The following AHI1 variants were observed in gnomAD, a reference collection of about 807,000 sequenced individuals.
AHI1 encodes the protein jouberin.
AHI1 carries 123 observed loss-of-function variants against 149.3 expected under a neutral mutation model. The observed-to-expected ratio is 0.82, with a 90% CI of 0.71 to 0.96. The LOEUF (loss-of-function observed/expected upper bound fraction) is 0.96, where lower values mean the gene tolerates loss of function less well. AHI1 is among the 40% of genes least tolerant of loss of function. The pLI, the probability that AHI1 is intolerant of heterozygous loss-of-function variation, is 0.00. For synonymous variants in AHI1, 475 were observed against 459.8 expected, an observed-to-expected ratio of 1.03 and a Z score of -0.42; for missense variants, 1,439 against 1,422.7, an observed-to-expected ratio of 1.01 and a Z score of -0.18.
rs573768621 is a variant in AHI1, at chr6:135,420,408, T to C, written c.2764+6759A>G. Among the ~76,000 whole-genome samples the C allele has an allele frequency of 8.0e-4, 122 of 152,190 alleles. 1 individual carries two copies. The highest frequency in any genetic ancestry group is 1.4e-3 in the Non-Finnish European group (95 of 68,016). ...GTCTTCTCCTCTTTAGCTATGAAAC[T>C]ACTGGAGGGCATCTTCCTCCATTAG... On this transcript the variant is annotated intron_variant, in intron 20 of 28. Coordinates refer to ENST00000265602, the MANE Select transcript of AHI1 (RefSeq NM_001134831.2).
At chr6:135,300,366 ACTC>A in intron 27 of AHI1, 131 bp downstream of exon 27, 1 of 1,055,934 alleles carries the variant, frequency 9.5e-7, no homozygotes, top group Non-Finnish European at 1.3e-6. Flanking sequence ...AACAAGCTAA[ACTC>A]CTTTAAAATC....
chr6:135,328,639 T>C (rs554229555), intron 24 of AHI1, among the ~76,000 whole-genome samples: 3 of 152,050 alleles, frequency 2.0e-5, no homozygotes, highest in Non-Finnish European at 2.9e-5. Context: ...TATAATGGTA[T>C]TGAAATTAGG....
At chr6:135,481,270 G>A (rs1273300862) in intron 5 of AHI1, among the ~76,000 whole-genome samples, 1 of 152,056 alleles carries the variant, frequency 6.6e-6, no homozygotes, top group East Asian at 1.9e-4. Flanking sequence ...TTACGTTTCT[G>A]GTATTCTGTT....
chr6:135,472,552 T>C (rs1405173970), intron 5 of AHI1, among the ~76,000 whole-genome samples: 1 of 152,230 alleles, frequency 6.6e-6, no homozygotes, highest in Non-Finnish European at 1.5e-5. Context: ...ATATTTAACT[T>C]ATTAAACAAT....
chr6:135,444,167 C>T (rs1003480236), intron 13 of AHI1, among the ~76,000 whole-genome samples: 14 of 152,176 alleles, frequency 9.2e-5, no homozygotes, highest in African/African-American at 2.2e-4. Context: ...TTCTGTCTCT[C>T]GTATTCATTA....
rs766820116 is a variant in AHI1, at chr6:135,290,440, T to C, written c.3571A>G (p.Lys1191Glu). Residue 1191 changes from lysine to glutamate, a missense_variant, in exon 28 of 29, where the codon AAA becomes GAA. Physicochemically the swap from Lys to Glu is moderately conservative, Grantham distance 56. Coordinates refer to ENST00000265602, the MANE Select transcript of AHI1 (RefSeq NM_001134831.2). The stretch of plus-strand genomic sequence containing the variant: ...CCCCTTACCTCTATTAGAGTGACTT[T>C]TCTGCCTGCTTGCTTGTTCTTCCTC... ...RMRKNKQAGRKVTLIE is the reference protein window; with the variant it reads ...RMRKNKQAGREVTLIE The C allele has an allele frequency of 6.2e-7, 1 of 1,602,734 alleles. No homozygotes were observed. Among genetic ancestry groups the C allele is most frequent in the South Asian group, 1.1e-5 (1 of 90,880 alleles).
At chr6:135,464,583 CA>C (rs1191324951) in intron 7 of AHI1, among the ~76,000 whole-genome samples, 1 of 152,076 alleles carries the variant, frequency 6.6e-6, no homozygotes, top group Non-Finnish European at 1.5e-5. Context: ...GATTAGGTTC[CA>C]AAAAGACTGT....
chr6:135,430,733 C>T (rs974994397), intron 17 of AHI1, among the ~76,000 whole-genome samples: 20 of 151,900 alleles, frequency 1.3e-4, no homozygotes, highest in South Asian at 2.1e-4. Flanking sequence ...TGTTTCTATT[C>T]GGCAAATTTC....
At position 135,394,885 on chromosome 6, in the gene AHI1, A is replaced by G. The variant is rs775967759; in HGVS notation, c.3000T>C (p.Asn1000=). 1.3e-6 allele frequency: 2 copies of G among 1,597,784 alleles called. No individual in the cohort carries two copies. The highest frequency in any genetic ancestry group is 2.2e-5 in the East Asian group (1 of 44,536). Residue 1000 remains asparagine, a synonymous_variant, in exon 23 of 29, where the codon AAT becomes AAC. Transcript: ENST00000265602. ...CTGCTGGTGGTGAAGTAAATGAGAG[A>G]TTTTTGTTGACCTGTATTAGGAAAA... ...IRSCAAKVNK[N]LSFTSPPAVS...
intron 23 of AHI1, among the ~76,000 whole-genome samples, chr6:135,368,803 T>C (rs1427973126): frequency 6.6e-6 from 1 of 152,206 alleles, no homozygotes; most frequent in African/African-American, 2.4e-5. Flanking sequence ...GTTGAGAACT[T>C]GCCCCAGGCT....
chr6:135,376,881 C>CAAAAAAAAAAAAAA (rs1167083326), intron 23 of AHI1, among the ~76,000 whole-genome samples: 7 of 29,440 alleles, frequency 2.4e-4, no homozygotes, highest in African/African-American at 8.0e-4. Context: ...GACTCCATCT[C>CAAAAAAAAAAAAAA]AAAAAAAAAA....
At chr6:135,409,221 CAT>C (rs1296232304) in intron 21 of AHI1, among the ~76,000 whole-genome samples, 2 of 152,048 alleles carry the variant, frequency 1.3e-5, no homozygotes, top group Non-Finnish European at 2.9e-5. Flanking sequence ...GTTTGTTGCA[CAT>C]ATATGTGTGT....
At chr6:135,439,183 C>T (rs889187053) in intron 14 of AHI1, among the ~76,000 whole-genome samples, 2 of 152,182 alleles carry the variant, frequency 1.3e-5, no homozygotes, top group African/African-American at 2.4e-5. Context: ...GCAGTTTCAC[C>T]TTCTGTGGTT....
chr6:135,363,704 G>A (rs536707869), intron 23 of AHI1, among the ~76,000 whole-genome samples: 13 of 145,216 alleles, frequency 9.0e-5, no homozygotes, highest in East Asian at 6.3e-4. Context: ...CCTCCCGGAC[G>A]GGGCGGCTGG....
At chr6:135,346,435 C>T (rs1018375047) in intron 24 of AHI1, among the ~76,000 whole-genome samples, 4 of 151,984 alleles carry the variant, frequency 2.6e-5, no homozygotes, top group Non-Finnish European at 4.4e-5. Flanking sequence ...CTCCTGACCT[C>T]GTGATCTGCC....
At chr6:135,401,170 G>A (rs1357796339) in intron 22 of AHI1, among the ~76,000 whole-genome samples, 1 of 152,136 alleles carries the variant, frequency 6.6e-6, no homozygotes, top group Non-Finnish European at 1.5e-5. Flanking sequence ...CTTGTTAAGT[G>A]TTTCTCTCAG....
At chr6:135,314,611 C>A (rs1785675385) in intron 26 of AHI1, among the ~76,000 whole-genome samples, 1 of 152,130 alleles carries the variant, frequency 6.6e-6, no homozygotes, top group African/African-American at 2.4e-5. Flanking sequence ...TTGTAGGCAA[C>A]CATCACCATA....
intron 27 of AHI1, among the ~76,000 whole-genome samples, chr6:135,293,485 G>A (rs954509522): frequency 4.0e-5 from 6 of 149,624 alleles, no homozygotes; most frequent in African/African-American, 1.5e-4. Context: ...TCTTTTATTT[G>A]CACGATTGTC....
At chr6:135,293,429 A>AAAG (rs1562444686) in intron 27 of AHI1, among the ~76,000 whole-genome samples, 1 of 131,930 alleles carries the variant, frequency 7.6e-6, no homozygotes, top group African/African-American at 2.9e-5. Context: ...AAAAAAGAAA[A>AAAG]AAAGAAAGAA....
Sources: allele counts gnomAD v4.1 joint callset (sites outside exome capture counted in the v4.1 genomes callset), GRCh38; gene constraint gnomAD v4.1.1; transcripts MANE v1.5; gene names NCBI Gene and HGNC (gene_info 2026-07-23, HGNC 2026-07-21).